MMP16: variants seen among roughly 807,000 people sequenced by gnomAD.
MMP16 encodes matrix metalloproteinase-16.
Under a neutral mutation model 67.8 loss-of-function variants are expected in MMP16, and 12 were observed. That is an observed-to-expected ratio of 0.18 (90% CI 0.11 to 0.29). The LOEUF (loss-of-function observed/expected upper bound fraction) is 0.29, where lower values mean the gene tolerates loss of function less well. Ranked by LOEUF, MMP16 falls within the 10% of genes least tolerant of loss-of-function variation. MMP16 has a pLI of 1.00. For synonymous variants in MMP16, 249 were observed against 255.9 expected (o/e 0.97, Z 0.26); for missense variants, 475 against 765.7 (o/e 0.62, Z 4.48).
chr8:88,215,594 C>T (rs906782221), intron 1 of MMP16, among the ~76,000 whole-genome samples: 1 of 152,052 alleles, frequency 6.6e-6, no homozygotes, highest in Non-Finnish European at 1.5e-5. Flanking sequence ...TCTACGGTGC[C>T]ACATTTCTTG....
At chr8:88,319,665 G>A (rs986691593) in intron 1 of MMP16, among the ~76,000 whole-genome samples, 1 of 152,130 alleles carries the variant, frequency 6.6e-6, no homozygotes, top group African/African-American at 2.4e-5. Context: ...CGCATGCAGA[G>A]GCACATGTCT....
chr8:88,193,956 C>A (rs1809211213), intron 2 of MMP16, among the ~76,000 whole-genome samples: 1 of 151,726 alleles, frequency 6.6e-6, no homozygotes, highest in South Asian at 2.1e-4. Context: ...TTTAGGGGAG[C>A]TTGCTTCCAA....
intron 1 of MMP16, among the ~76,000 whole-genome samples, chr8:88,301,792 T>C (rs1425338978): frequency 6.6e-6 from 1 of 152,214 alleles, no homozygotes; most frequent in Non-Finnish European, 1.5e-5. Context: ...TATTTGGTAA[T>C]ATCCTAATAT....
chr8:88,243,246 C>T (rs201701112), intron 1 of MMP16, among the ~76,000 whole-genome samples: 2 of 152,084 alleles, frequency 1.3e-5, no homozygotes, highest in East Asian at 3.9e-4. Context: ...TTTGCTGAAG[C>T]ATAGTATTTG....
At chr8:88,193,222 C>T (rs184594483) in intron 2 of MMP16, among the ~76,000 whole-genome samples, 120 of 152,102 alleles carry the variant, frequency 7.9e-4, no homozygotes, top group South Asian at 4.1e-3. Context: ...TATTATTCAG[C>T]CATAAAAAAT....
chr8:88,231,677 C>A (rs1332534456), intron 1 of MMP16, among the ~76,000 whole-genome samples: 1 of 152,166 alleles, frequency 6.6e-6, no homozygotes, highest in East Asian at 1.9e-4. Context: ...CTTCTACAAC[C>A]TAAGTAACAC....
intron 1 of MMP16, among the ~76,000 whole-genome samples, chr8:88,280,418 C>A (rs1360169977): frequency 1.3e-5 from 2 of 151,732 alleles, no homozygotes; most frequent in African/African-American, 4.8e-5. Flanking sequence ...CTACTATGAT[C>A]GAGAAAAAAA....
In MMP16 at chr8:88,040,946, T is replaced by C. The variant is rs890401884; in HGVS notation, c.*515A>G. The C allele has an allele frequency of 6.5e-6, 1 of 152,820 alleles. No homozygotes were observed. The highest frequency in any genetic ancestry group is 1.5e-5 in the Non-Finnish European group (1 of 68,276). The allele number at this position is 152,820 out of a possible 1,614,324, so 9.5% of individuals were successfully genotyped here. A position where few individuals can be genotyped will look rare whatever the true frequency, so the allele number is the denominator to read the frequency against. ...TTGGAGACAAAGCTGTTTTGGGTCT[T>C]CACACTTTCCTGGAAGTTCAATTGT... is the stretch of plus-strand genomic sequence containing the variant. On this transcript the variant is annotated 3_prime_UTR_variant, in exon 10 of 10. Transcript: ENST00000286614.
intron 4 of MMP16, among the ~76,000 whole-genome samples, chr8:88,134,211 T>C (rs1242254548): frequency 6.6e-6 from 1 of 151,794 alleles, no homozygotes; most frequent in Non-Finnish European, 1.5e-5. Flanking sequence ...ATAATAACCA[T>C]AAGCAATTGC....
In MMP16 at chr8:88,254,102, C is replaced by T. The variant is rs1206864395; in HGVS notation, c.133-56796G>A. On this transcript the variant is annotated intron_variant, in intron 1 of 9. Coordinates refer to ENST00000286614, the MANE Select transcript of MMP16 (RefSeq NM_005941.5). ...TAGACTGGATAAAGAAAATGTGGTACATATACATCATGGAATACTATGCAG... is the reference window on the plus strand; with the variant it reads ...TAGACTGGATAAAGAAAATGTGGTATATATACATCATGGAATACTATGCAG... 2.0e-5 allele frequency among the ~76,000 whole-genome samples: 3 copies of T among 152,100 alleles called. No individual in the cohort carries two copies. In the East Asian group the frequency reaches 5.8e-4, roughly 29 times the overall value.
At chr8:88,097,187 T>C (rs1478631873) in intron 6 of MMP16, among the ~76,000 whole-genome samples, 2 of 152,116 alleles carry the variant, frequency 1.3e-5, no homozygotes, top group Non-Finnish European at 2.9e-5. Flanking sequence ...AAATGTTTTA[T>C]GATTTCAGTT....
At chr8:88,160,847 G>A (rs7387833) in intron 4 of MMP16, among the ~76,000 whole-genome samples, 12,928 of 151,872 alleles carry the variant, frequency 0.085, 937 homozygotes, top group Admixed American at 0.22. Flanking sequence ...TGTTTATTAC[G>A]TTTATTGATT....
intron 1 of MMP16, among the ~76,000 whole-genome samples, chr8:88,201,801 G>C (rs1809348890): frequency 6.6e-6 from 1 of 152,044 alleles, no homozygotes; most frequent in Non-Finnish European, 1.5e-5. Flanking sequence ...AAAGGTGATG[G>C]CCCCTCTATT....
intron 6 of MMP16, among the ~76,000 whole-genome samples, chr8:88,108,433 C>T (rs1226111345): frequency 1.3e-5 from 2 of 151,178 alleles, no homozygotes; most frequent in Non-Finnish European, 3.0e-5. Context: ...GTAACATAGC[C>T]CAGCCATAGT....
At chr8:88,235,517 T>C (rs190784499) in intron 1 of MMP16, among the ~76,000 whole-genome samples, 4 of 151,748 alleles carry the variant, frequency 2.6e-5, no homozygotes, top group Non-Finnish European at 5.9e-5. Flanking sequence ...TTGAGAAAAA[T>C]AGTACAGGGT....
intron 6 of MMP16, among the ~76,000 whole-genome samples, chr8:88,115,239 T>C (rs1809408629): frequency 6.6e-6 from 1 of 152,060 alleles, no homozygotes; most frequent in South Asian, 2.1e-4. Flanking sequence ...AGATTGCACT[T>C]TGAGTTCATT....
intron 1 of MMP16, among the ~76,000 whole-genome samples, chr8:88,248,859 C>G (rs1810162269): frequency 6.6e-6 from 1 of 150,924 alleles, no homozygotes; most frequent in African/African-American, 2.4e-5. Flanking sequence ...CCCAATTTTA[C>G]TGCAGATATT....
chr8:88,327,028 GAGC>G (rs1563596821), intron 1 of MMP16, 44 bp downstream of exon 1: 1 of 1,610,564 alleles, frequency 6.2e-7, no homozygotes. Context: ...ATGTTTCAGG[GAGC>G]AGCCCAGGCA....
chr8:88,216,967 T>C (rs1406754050), intron 1 of MMP16, among the ~76,000 whole-genome samples: 1 of 152,102 alleles, frequency 6.6e-6, no homozygotes, highest in African/African-American at 2.4e-5. Context: ...ATATGTGGAC[T>C]CATGGCTTGC....
Sources: allele counts gnomAD v4.1 joint callset (sites outside exome capture counted in the v4.1 genomes callset), GRCh38; gene constraint gnomAD v4.1.1; transcripts MANE v1.5; gene names NCBI Gene and HGNC (gene_info 2026-07-23, HGNC 2026-07-21).